VSIG10: variants seen among roughly 807,000 people sequenced by gnomAD.
VSIG10 encodes the protein V-set and immunoglobulin domain containing 10, also known as V-set and immunoglobulin domain-containing protein 10.
Under a neutral mutation model 58.7 loss-of-function variants are expected in VSIG10, and 48 were observed. That is an observed-to-expected ratio of 0.82 (90% CI 0.65 to 1.04). The LOEUF (loss-of-function observed/expected upper bound fraction) is 1.04. Among genes scored for constraint, VSIG10 ranks in the 50% least tolerant of loss-of-function variants. The pLI, the probability that VSIG10 is intolerant of heterozygous loss-of-function variation, is 0.00. For synonymous variants in VSIG10, 260 were observed against 267.1 expected (o/e 0.97, Z 0.26); for missense variants, 628 against 670.0 (o/e 0.94, Z 0.69).
rs2032202339 is a variant in VSIG10 at position 118,065,071 on chromosome 12, AG to A, written c.*1567del. Reference sequence around the variant, plus strand: ...AAAACTTAAATCTTGAAACTATACAAGGATCTACTGGAAGCATCAGCAGGCT... The same window carrying A: ...AAAACTTAAATCTTGAAACTATACAAGATCTACTGGAAGCATCAGCAGGCT... On this transcript the variant is annotated 3_prime_UTR_variant, in exon 9 of 9. Transcript: ENST00000359236. The A allele has an allele frequency of 6.6e-6, 1 of 152,258 alleles. No individual in the cohort carries two copies. The highest frequency in any genetic ancestry group is 6.5e-5 in the Admixed American group (1 of 15,280). The allele number at this position is 152,258 out of a possible 1,614,324, so 9.4% of individuals were successfully genotyped here.
Position 118,087,165 on chromosome 12 carries a change from G to A in VSIG10, c.362-4736C>T, listed in dbSNP as rs565730964. On this transcript the variant is annotated intron_variant, in intron 2 of 8. Coordinates refer to ENST00000359236, the MANE Select transcript of VSIG10 (RefSeq NM_019086.6). Reference sequence around the variant, plus strand: ...AGGGATTTCTGTACATTTAGAAGCAGAGTCTCAATCCTAATGGCAAGACCC... The same window carrying A: ...AGGGATTTCTGTACATTTAGAAGCAAAGTCTCAATCCTAATGGCAAGACCC... Among the ~76,000 whole-genome samples the A allele has an allele frequency of 5.0e-4, 76 of 151,928 alleles. 1 individual carries two copies. The highest frequency in any genetic ancestry group is 1.7e-3 in the African/African-American group (70 of 41,436).
At chr12:118,081,931 C>T (rs537144960) in intron 3 of VSIG10, among the ~76,000 whole-genome samples, 196 bp downstream of exon 3, 13 of 150,870 alleles carry the variant, frequency 8.6e-5, no homozygotes, top group African/African-American at 3.2e-4. Flanking sequence ...GCAGGAGAAT[C>T]GCTTGAACCC....
At position 118,066,437 on chromosome 12, in the gene VSIG10, A is replaced by G. The variant is rs1393043113; in HGVS notation, c.*202T>C. 3.3e-6 allele frequency: 2 copies of G among 607,166 alleles called. No homozygotes were observed. Among genetic ancestry groups the G allele is most frequent in the Non-Finnish European group, 5.9e-6 (2 of 339,422 alleles). 37.6% of individuals were successfully genotyped at this position (607,166 alleles called of 1,614,324 possible). On this transcript the variant is annotated 3_prime_UTR_variant, in exon 9 of 9. Coordinates refer to ENST00000359236, the MANE Select transcript of VSIG10 (RefSeq NM_019086.6). ...AAAGCTTTTAAACATCATTGGGAAA[A>G]CTTAGAGCAAATCAAACCAATGTTT... is the stretch of plus-strand genomic sequence containing the variant.
chr12:118,075,746 T>C (rs186808474), intron 4 of VSIG10, among the ~76,000 whole-genome samples: 229 of 151,728 alleles, frequency 1.5e-3, no homozygotes, highest in African/African-American at 4.8e-3. Context: ...CTGTTACATG[T>C]ATTAACCCAA....
chr12:118,091,274 C>T (rs1219769209), intron 2 of VSIG10, among the ~76,000 whole-genome samples: 3 of 152,142 alleles, frequency 2.0e-5, no homozygotes, highest in Non-Finnish European at 2.9e-5. Flanking sequence ...AGGCGGATCA[C>T]GAGGTCAGGA....
rs1193283052 is a variant in VSIG10, at chr12:118,065,743, T to G, written c.*896A>C. ...TCAATAAATGGATTATGTTTTTCAATGAATGGATCTTACAAAGATGTTTTT... is the reference window on the plus strand; with the variant it reads ...TCAATAAATGGATTATGTTTTTCAAGGAATGGATCTTACAAAGATGTTTTT... On this transcript the variant is annotated 3_prime_UTR_variant, in exon 9 of 9. Coordinates refer to ENST00000359236, the MANE Select transcript of VSIG10 (RefSeq NM_019086.6). The G allele has an allele frequency of 6.6e-6, 1 of 152,248 alleles. No individual in the cohort carries two copies. Among genetic ancestry groups the G allele is most frequent in the Admixed American group, 6.5e-5 (1 of 15,290 alleles). The allele number at this position is 152,248 out of a possible 1,614,324, so 9.4% of individuals were successfully genotyped here. A position where few individuals can be genotyped will look rare whatever the true frequency, so the allele number is the denominator to read the frequency against.
At chr12:118,092,538 G>A (rs1197845296) in intron 2 of VSIG10, among the ~76,000 whole-genome samples, 3 of 152,048 alleles carry the variant, frequency 2.0e-5, no homozygotes, top group South Asian at 2.1e-4. Flanking sequence ...TAGTAACAAA[G>A]GTAGAGATAA....
At chr12:118,072,840 T>C (rs567485230) in intron 5 of VSIG10, among the ~76,000 whole-genome samples, 1 of 152,282 alleles carries the variant, frequency 6.6e-6, no homozygotes, top group East Asian at 1.9e-4. Flanking sequence ...CCAGTGAAAT[T>C]TGGATTTCAG....
intron 7 of VSIG10, among the ~76,000 whole-genome samples, chr12:118,070,792 T>G (rs753379184): frequency 2.0e-5 from 3 of 152,200 alleles, no homozygotes; most frequent in Admixed American, 6.5e-5. Context: ...GCACTGCTGC[T>G]TTCTTCTGGA....
intron 7 of VSIG10, among the ~76,000 whole-genome samples, chr12:118,069,404 TTTCTTCTTC>T (rs927180127): frequency 7.4e-6 from 1 of 135,646 alleles, no homozygotes; most frequent in African/African-American, 2.9e-5. Flanking sequence ...GGACTGTGCA[TTTCTTCTTC>T]TTCTTCTTCT....
chr12:118,082,052 G>A, intron 3 of VSIG10, 75 bp downstream of exon 3: 3 of 1,343,742 alleles, frequency 2.2e-6, no homozygotes, highest in Admixed American at 2.7e-5. Context: ...AAATGGGAGA[G>A]GCACAAACGT....
At chr12:118,094,265 T>C (rs915403811) in intron 2 of VSIG10, among the ~76,000 whole-genome samples, 1 of 152,222 alleles carries the variant, frequency 6.6e-6, no homozygotes, top group Non-Finnish European at 1.5e-5. Context: ...GCTTTGATTA[T>C]GATATACTGT....
intron 2 of VSIG10, among the ~76,000 whole-genome samples, chr12:118,093,132 A>G (rs1215546109): frequency 2.7e-5 from 1 of 36,556 alleles, no homozygotes; most frequent in Non-Finnish European, 6.0e-5. Flanking sequence ...TGCTAAAAAT[A>G]CAAAAAAAAA....
chr12:118,102,031 T>G (rs1316947886), intron 1 of VSIG10: 1 of 152,264 alleles, frequency 6.6e-6, no homozygotes, highest in Admixed American at 6.5e-5. Flanking sequence ...CCCAGCTACT[T>G]GTAGGCTGAG....
chr12:118,096,736 A>G (rs1183116623), intron 1 of VSIG10, among the ~76,000 whole-genome samples: 1 of 149,626 alleles, frequency 6.7e-6, no homozygotes, highest in Non-Finnish European at 1.5e-5. Flanking sequence ...TGTTCTTAAG[A>G]TGCAATAACA....
chr12:118,086,549 T>C (rs1470695074), intron 2 of VSIG10, among the ~76,000 whole-genome samples: 1 of 151,944 alleles, frequency 6.6e-6, no homozygotes, highest in Non-Finnish European at 1.5e-5. Context: ...GCTGTTCCAA[T>C]ATCATACCCA....
intron 3 of VSIG10, among the ~76,000 whole-genome samples, chr12:118,080,666 G>A (rs879810455): frequency 2.6e-5 from 4 of 152,154 alleles, no homozygotes; most frequent in African/African-American, 9.6e-5. Flanking sequence ...GTCCATCCAC[G>A]CAAGGAACGG....
intron 1 of VSIG10, 112 bp from the exon 2 acceptor site, chr12:118,095,926 T>TC: frequency 1.1e-6 from 1 of 941,644 alleles, no homozygotes; most frequent in Non-Finnish European, 1.4e-6. Context: ...ATATGTTCTT[T>TC]TTTTTTTTTT....
chr12:118,092,008 G>A lies in VSIG10; in HGVS notation c.361+3525C>T, dbSNP rs567980393. Among the ~76,000 whole-genome samples the A allele has an allele frequency of 1.3e-3, 201 of 151,988 alleles. 2 individuals carry two copies. The Middle Eastern group carries it at 0.017, about 13-fold the overall frequency. On this transcript the variant is annotated intron_variant, in intron 2 of 8. Transcript: ENST00000359236. ...TGACCTCAGGTGATCTGCCCGCCTC[G>A]GCCTCCCAAAGTGCTGCGATTACAG...
Sources: allele counts gnomAD v4.1 joint callset (sites outside exome capture counted in the v4.1 genomes callset), GRCh38; gene constraint gnomAD v4.1.1; transcripts MANE v1.5; gene names NCBI Gene and HGNC (gene_info 2026-07-23, HGNC 2026-07-21).